The following PCDHGB2 variants were observed in gnomAD, a reference collection of about 807,000 sequenced individuals.
PCDHGB2 encodes protocadherin gamma-B2.
Under a neutral mutation model 59.3 loss-of-function variants are expected in PCDHGB2, and 55 were observed. The observed-to-expected ratio is 0.93, with a 90% CI of 0.75 to 1.16. PCDHGB2 has a LOEUF of 1.16. Ranked by LOEUF, PCDHGB2 falls within the 50% of genes most tolerant of loss-of-function variation. PCDHGB2 has a pLI of 0.00. For synonymous variants in PCDHGB2, 516 were observed against 512.0 expected, an observed-to-expected ratio of 1.01 and a Z score of -0.11; for missense variants, 1,228 against 1,198.5, an observed-to-expected ratio of 1.02 and a Z score of -0.36.
intron 1 of PCDHGB2, chr5:141,371,505 A>G: frequency 6.2e-7 from 1 of 1,613,908 alleles, no homozygotes; most frequent in Non-Finnish European, 8.5e-7. Flanking sequence ...CCTGATCAAA[A>G]CACATGATCT....
chr5:141,491,560 T>C lies in PCDHGB2; in HGVS notation c.2422-3247T>C. 1 of 1,613,986 alleles carries C rather than the reference T, an allele frequency of 6.2e-7. No homozygotes were observed. Among genetic ancestry groups the C allele is most frequent in the Non-Finnish European group, 8.5e-7 (1 of 1,180,026 alleles). ...GCCCACAGACTCGCAGAGCCACTGCTACAGGACGTGCTTTTCACCGGCCTC... is the reference window on the plus strand; with the variant it reads ...GCCCACAGACTCGCAGAGCCACTGCCACAGGACGTGCTTTTCACCGGCCTC... On this transcript the variant is annotated intron_variant, in intron 1 of 3. Coordinates refer to ENST00000522605, the MANE Select transcript of PCDHGB2 (RefSeq NM_018923.3). This position sits in a 1 kb window ranked among gnomAD's most constrained non-coding sequence, Gnocchi z 6.9.
Position 141,361,717 on chromosome 5 carries a change from T to G in PCDHGB2, c.1582T>G (p.Phe528Val). The G allele has an allele frequency of 6.2e-7, 1 of 1,613,366 alleles. No homozygotes were observed. Among genetic ancestry groups the G allele is most frequent in the Admixed American group, 1.7e-5 (1 of 60,014 alleles). Residue 528 changes from phenylalanine to valine, a missense_variant, in exon 1 of 4, where the codon TTC becomes GTC. Transcript: ENST00000522605. ...RAFDHEQLRA[F>V]ELTLQARDQG... ...CTTCGATCATGAGCAGCTGCGCGCC[T>G]TCGAGCTCACACTGCAGGCCCGCGA...
intron 1 of PCDHGB2, among the ~76,000 whole-genome samples, chr5:141,380,542 T>G (rs182715146): frequency 6.6e-6 from 1 of 152,362 alleles, no homozygotes; most frequent in East Asian, 1.9e-4. Flanking sequence ...TTTGATACAA[T>G]GAGCTTATGT....
At chr5:141,450,080 C>G (rs140080701) in intron 1 of PCDHGB2, among the ~76,000 whole-genome samples, 6,313 of 144,358 alleles carry the variant, frequency 0.044, 398 homozygotes, top group Admixed American at 0.19. Context: ...GATCTTGGCT[C>G]ACTGCAACCT....
At chr5:141,488,183 T>C (rs1249953031) in intron 1 of PCDHGB2, among the ~76,000 whole-genome samples, 1 of 152,148 alleles carries the variant, frequency 6.6e-6, no homozygotes, top group Non-Finnish European at 1.5e-5. Flanking sequence ...CATAGATCTT[T>C]TGGTCTGGGT....
At chr5:141,418,530 G>C in intron 1 of PCDHGB2, 1 of 1,613,952 alleles carries the variant, frequency 6.2e-7, no homozygotes, top group Non-Finnish European at 8.5e-7. Flanking sequence ...CCCCGAAGCG[G>C]TACTGCTCAG....
At chr5:141,384,163 C>G (rs535530763) in intron 1 of PCDHGB2, 2 of 1,613,658 alleles carry the variant, frequency 1.2e-6, no homozygotes, top group African/African-American at 1.3e-5. Context: ...TAACATCACA[C>G]TGAAAGCCAC....
In PCDHGB2 at chr5:141,433,177, A is replaced by T; in HGVS notation, c.2422-61630A>T. 1.9e-6 allele frequency: 3 copies of T among 1,608,174 alleles called. No homozygotes were observed. The Middle Eastern group carries it at 5.0e-4, about 267-fold the overall frequency. Reference sequence around the variant, plus strand: ...TATTTTCTAAAGACAGTCATGGGTTAATTGAGGTGAGTTTATATCAAATCT... The same window carrying T: ...TATTTTCTAAAGACAGTCATGGGTTTATTGAGGTGAGTTTATATCAAATCT... On this transcript the variant is annotated intron_variant, in intron 1 of 3. Coordinates refer to ENST00000522605, the MANE Select transcript of PCDHGB2 (RefSeq NM_018923.3).
chr5:141,395,101 C>A (rs1197761808), intron 1 of PCDHGB2: 2 of 1,614,164 alleles, frequency 1.2e-6, no homozygotes, highest in East Asian at 4.5e-5. Context: ...ACCGCCGACT[C>A]GCGGAAGAGT....
intron 1 of PCDHGB2, among the ~76,000 whole-genome samples, chr5:141,481,728 C>T (rs529419213): frequency 2.1e-4 from 32 of 152,032 alleles, no homozygotes; most frequent in African/African-American, 7.2e-4. Flanking sequence ...CGGAGGCGGG[C>T]GGATCACGAG....
chr5:141,404,405 TC>T, intron 1 of PCDHGB2: 1 of 1,613,914 alleles, frequency 6.2e-7, no homozygotes, highest in South Asian at 1.1e-5. Flanking sequence ...CAATGAGAAT[TC>T]TAGAGTTATT....
Position 141,491,730 on chromosome 5 carries a change from C to A in PCDHGB2, c.2422-3077C>A, listed in dbSNP as rs1346666614. ...GGGGCTCGGCGCCGCCCCGGGCGAC[C>A]CCTGGGGGCGGCACTGGAGAAGCCG... On this transcript the variant is annotated intron_variant, in intron 1 of 3. Coordinates refer to ENST00000522605, the MANE Select transcript of PCDHGB2 (RefSeq NM_018923.3). This position sits in a 1 kb window ranked among gnomAD's most constrained non-coding sequence, Gnocchi z 6.9. 3.1e-6 allele frequency: 5 copies of A among 1,603,920 alleles called. No individual in the cohort carries two copies. The East Asian group carries it at 6.7e-5, about 22-fold the overall frequency.
chr5:141,508,971 T>C (rs776443205), intron 3 of PCDHGB2, among the ~76,000 whole-genome samples: 14 of 152,004 alleles, frequency 9.2e-5, no homozygotes, highest in Non-Finnish European at 2.1e-4. Context: ...ATGAAAGGGC[T>C]GGGGGTGGGG....
chr5:141,422,275 A>G (rs367711513), intron 1 of PCDHGB2: 6 of 1,560,374 alleles, frequency 3.8e-6, no homozygotes, highest in East Asian at 2.2e-5. Flanking sequence ...AGAAATAACT[A>G]TCACCTCTTC....
intron 1 of PCDHGB2, chr5:141,367,909 A>C (rs1765390409): frequency 1.3e-5 from 2 of 150,836 alleles, no homozygotes; most frequent in Admixed American, 6.6e-5. Flanking sequence ...TTGTATTTGA[A>C]AAAAAAAGAA....
At chr5:141,492,637 C>T (rs2099742781) in intron 1 of PCDHGB2, among the ~76,000 whole-genome samples, 1 of 152,260 alleles carries the variant, frequency 6.6e-6, no homozygotes, top group South Asian at 2.1e-4. Context: ...CTCTACGATC[C>T]TTGGGCCAGA....
intron 1 of PCDHGB2, chr5:141,416,492 A>G (rs183273356): frequency 1.4e-4 from 22 of 152,306 alleles, no homozygotes; most frequent in Admixed American, 1.4e-3. Flanking sequence ...AACAGGAGCA[A>G]GAGATATATG....
rs1036223789 is a variant in PCDHGB2, at chr5:141,511,298, G to C, written c.*125G>C. 49 of 1,502,412 alleles carry C rather than the reference G, an allele frequency of 3.3e-5. No homozygotes were observed. The African/African-American group carries it at 6.7e-4, about 20-fold the overall frequency. 93.1% of individuals were successfully genotyped at this position (1,502,412 alleles called of 1,614,324 possible). A position where few individuals can be genotyped will look rare whatever the true frequency, so the allele number is the denominator to read the frequency against. The stretch of plus-strand genomic sequence containing the variant: ...GAATACTGGTAGGGGCCAAGGCCAT[G>C]CTCCCCTTGGGAAACAGAAACAAGT... On this transcript the variant is annotated 3_prime_UTR_variant, in exon 4 of 4. Coordinates refer to ENST00000522605, the MANE Select transcript of PCDHGB2 (RefSeq NM_018923.3).
chr5:141,390,144 G>A, intron 1 of PCDHGB2: 1 of 1,614,036 alleles, frequency 6.2e-7, no homozygotes, highest in South Asian at 1.1e-5. Context: ...CAATCTATGT[G>A]TTGCACATAC....
Sources: gnomAD v4.1 joint callset for allele counts (sites outside exome capture counted in the v4.1 genomes callset) on GRCh38, gnomAD v4.1.1 for gene constraint, Gnocchi (gnomAD v3.1) non-coding constraint, MANE v1.5 for transcripts, NCBI Gene and HGNC (gene_info 2026-07-23, HGNC 2026-07-21) for gene names.